Variants in LRP1B observed in about 807,000 individuals in gnomAD.
LRP1B encodes the protein LDL receptor related protein 1B, also known as low-density lipoprotein receptor-related protein 1B.
Under a neutral mutation model 556.6 loss-of-function variants are expected in LRP1B, and 217 were observed. The observed-to-expected ratio is 0.39, with a 90% CI of 0.35 to 0.44. The LOEUF (loss-of-function observed/expected upper bound fraction) is 0.44, where lower values mean the gene tolerates loss of function less well. LRP1B is among the 20% of genes least tolerant of loss of function. The pLI is 1.00. For missense variants in LRP1B, 5,053 were observed against 5,620.8 expected (o/e 0.90, Z 3.23); for synonymous variants, 2,047 against 1,865.8 (o/e 1.10, Z -2.50).
At chr2:141,822,436 A>G (rs1696786075) in intron 1 of LRP1B, among the ~76,000 whole-genome samples, 1 of 152,160 alleles carries the variant, frequency 6.6e-6, no homozygotes, top group Non-Finnish European at 1.5e-5. Flanking sequence ...TAAATGCAAA[A>G]GAAAAAGCCT....
At chr2:141,338,258 CTG>C (rs1250930090) in intron 3 of LRP1B, among the ~76,000 whole-genome samples, 2 of 152,158 alleles carry the variant, frequency 1.3e-5, no homozygotes, top group Non-Finnish European at 2.9e-5. Context: ...ACTGAAGCCA[CTG>C]CCACCATAAG....
At chr2:141,731,606 T>A (rs1459154362) in intron 2 of LRP1B, among the ~76,000 whole-genome samples, 1 of 152,148 alleles carries the variant, frequency 6.6e-6, no homozygotes, top group African/African-American at 2.4e-5. Context: ...TACTTCTTTG[T>A]TCGGAAGCAC....
intron 6 of LRP1B, among the ~76,000 whole-genome samples, chr2:141,206,605 C>G (rs984763543): frequency 1.3e-5 from 2 of 151,722 alleles, no homozygotes; most frequent in Non-Finnish European, 2.9e-5. Context: ...AATAAAGAAT[C>G]GCCACTATTT....
intron 87 of LRP1B, among the ~76,000 whole-genome samples, chr2:140,243,548 A>C (rs1681037787): frequency 6.6e-6 from 1 of 151,254 alleles, no homozygotes; most frequent in Non-Finnish European, 1.5e-5. Flanking sequence ...GATATGTATA[A>C]ATGTAGAGTA....
intron 3 of LRP1B, among the ~76,000 whole-genome samples, chr2:141,323,706 T>C (rs530684400): frequency 5.3e-5 from 8 of 152,200 alleles, no homozygotes; most frequent in African/African-American, 1.9e-4. Context: ...TACTCCAACT[T>C]GGCTGTACCT....
chr2:140,308,469 C>T (rs1020251612), intron 83 of LRP1B, among the ~76,000 whole-genome samples: 3 of 151,812 alleles, frequency 2.0e-5, no homozygotes, highest in Non-Finnish European at 4.4e-5. Context: ...ATACATGCTA[C>T]TGAGCATTAT....
At chr2:141,675,975 G>C (rs1014224530) in intron 2 of LRP1B, among the ~76,000 whole-genome samples, 1 of 151,970 alleles carries the variant, frequency 6.6e-6, no homozygotes, top group African/African-American at 2.4e-5. Context: ...TTAATGATTT[G>C]AAGTTTACAC....
intron 84 of LRP1B, among the ~76,000 whole-genome samples, chr2:140,296,184 G>A (rs1477453531): frequency 6.6e-6 from 1 of 152,060 alleles, no homozygotes; most frequent in African/African-American, 2.4e-5. Flanking sequence ...TTTCACACCT[G>A]ACCTCCCGTA....
intron 2 of LRP1B, among the ~76,000 whole-genome samples, chr2:141,626,235 A>G (rs1259394044): frequency 1.3e-5 from 2 of 152,322 alleles, no homozygotes; most frequent in Middle Eastern, 6.8e-3. Flanking sequence ...TCAACAACTG[A>G]TGCTGGAACA....
In LRP1B at chr2:142,130,892, T is replaced by G. The variant is rs1487110035; in HGVS notation, c.-163A>C. On this transcript the variant is annotated 5_prime_UTR_variant, in exon 1 of 91. Transcript: ENST00000389484. ...GCTCAATGAGTCCAGCCAGTCAGCC[T>G]TCTCCTGCCTGGAGCAGGATGTGGA... 7.4e-6 allele frequency: 5 copies of G among 677,298 alleles called. No individual in the cohort carries two copies. Among genetic ancestry groups the G allele is most frequent in the South Asian group, 3.1e-5 (2 of 64,096 alleles). 42.0% of individuals were successfully genotyped at this position (677,298 alleles called of 1,614,324 possible).
intron 2 of LRP1B, among the ~76,000 whole-genome samples, chr2:141,776,000 G>A (rs976147297): frequency 8.2e-5 from 12 of 145,974 alleles, no homozygotes; most frequent in African/African-American, 2.6e-4. Context: ...CCGTCATCAC[G>A]CCAGGTTAAT....
chr2:141,621,578 T>C (rs1167659787), intron 2 of LRP1B, among the ~76,000 whole-genome samples: 1 of 152,104 alleles, frequency 6.6e-6, no homozygotes, highest in Non-Finnish European at 1.5e-5. Flanking sequence ...ATGTCAAAAT[T>C]AAGGGTTTTG....
At chr2:141,625,829 G>C (rs73965751) in intron 2 of LRP1B, among the ~76,000 whole-genome samples, 7,016 of 152,064 alleles carry the variant, frequency 0.046, 191 homozygotes, top group South Asian at 0.082. Flanking sequence ...TTTTGACTGG[G>C]AACCTATAAG....
intron 3 of LRP1B, among the ~76,000 whole-genome samples, chr2:141,285,773 T>A (rs1298547705): frequency 1.6e-4 from 22 of 138,408 alleles, no homozygotes; most frequent in Non-Finnish European, 3.1e-4. Flanking sequence ...ATAATATTTT[T>A]AAAAATGTTC....
At chr2:140,563,866 A>G (rs1201282788) in intron 43 of LRP1B, among the ~76,000 whole-genome samples, 3 of 152,174 alleles carry the variant, frequency 2.0e-5, no homozygotes, top group African/African-American at 7.2e-5. Flanking sequence ...AAAAAGTGAG[A>G]AGATGAATGG....
At chr2:142,100,684 C>T (rs1316699788) in intron 1 of LRP1B, among the ~76,000 whole-genome samples, 1 of 151,932 alleles carries the variant, frequency 6.6e-6, no homozygotes, top group African/African-American at 2.4e-5. Flanking sequence ...AAGAAAACTG[C>T]ATACCTCTGT....
Position 140,927,369 on chromosome 2 carries a change from C to A in LRP1B, c.3137-4222G>T, listed in dbSNP as rs192184465. Among the ~76,000 whole-genome samples the A allele has an allele frequency of 2.2e-3, 337 of 152,188 alleles. 2 individuals are homozygous for A. The highest frequency in any genetic ancestry group is 7.6e-3 in the African/African-American group (317 of 41,558). ...GTTACAGAAATGATTAATTTTCCTG[C>A]AGTTACGCACATGATAAGTAGCAGA... On this transcript the variant is annotated intron_variant, in intron 20 of 90. Transcript: ENST00000389484.
chr2:141,249,052 AT>A (rs887142908), intron 4 of LRP1B, among the ~76,000 whole-genome samples: 1 of 152,182 alleles, frequency 6.6e-6, no homozygotes, highest in Non-Finnish European at 1.5e-5. Flanking sequence ...GAGATAACGA[AT>A]TTGATTTCAC....
In LRP1B at chr2:140,859,653, T is replaced by C. The variant is rs550577029; in HGVS notation, c.4580-7870A>G. ...GCTAGAAAATGTGCCAAGTGTTTTA[T>C]AAGCATTATTTTATTTATTCCTCTT... On this transcript the variant is annotated intron_variant, in intron 27 of 90. Transcript: ENST00000389484. Among the ~76,000 whole-genome samples the C allele has an allele frequency of 2.6e-5, 4 of 152,326 alleles. No individual in the cohort carries two copies. In the South Asian group the frequency reaches 8.3e-4, roughly 32 times the overall value.
Sources: gnomAD v4.1 joint callset for allele counts (sites outside exome capture counted in the v4.1 genomes callset) on GRCh38, gnomAD v4.1.1 for gene constraint, MANE v1.5 for transcripts, NCBI Gene and HGNC (gene_info 2026-07-23, HGNC 2026-07-21) for gene names.